Variants in BEAN1 observed in about 807,000 individuals in gnomAD.
The protein encoded by BEAN1 is brain expressed associated with NEDD4 1, also known as protein BEAN1.
In BEAN1, 17 loss-of-function variants were observed where a neutral mutation model predicts 17.7. The observed-to-expected ratio is 0.96, with a 90% CI of 0.66 to 1.44. The LOEUF is 1.44. Ranked by LOEUF, BEAN1 falls within the 40% of genes most tolerant of loss-of-function variation. BEAN1 has a pLI of 0.00. For synonymous variants in BEAN1, 142 were observed against 151.8 expected, an observed-to-expected ratio of 0.94 and a Z score of 0.47; for missense variants, 359 against 374.1, an observed-to-expected ratio of 0.96 and a Z score of 0.33.
chr16:66,467,149 T>C (rs575310086), intron 2 of BEAN1, among the ~76,000 whole-genome samples: 2 of 152,292 alleles, frequency 1.3e-5, no homozygotes, highest in African/African-American at 4.8e-5. Context: ...ATTTGTGCAA[T>C]AACATCAAGG....
At chr16:66,491,793 ACTG>A (rs970692309) in intron 4 of BEAN1, among the ~76,000 whole-genome samples, 11 of 152,160 alleles carry the variant, frequency 7.2e-5, no homozygotes, top group Admixed American at 5.9e-4. Flanking sequence ...ATCTAATGCC[ACTG>A]CTGATCGTGA....
chr16:66,494,740 C>A (rs1206628970), downstream of BEAN1, among the ~76,000 whole-genome samples: 1 of 152,342 alleles, frequency 6.6e-6, no homozygotes, highest in African/African-American at 2.4e-5. Flanking sequence ...AACTCTCATG[C>A]CTGCTCTCCA....
At chr16:66,479,290 G>A (rs1166560614) in intron 4 of BEAN1, among the ~76,000 whole-genome samples, 2 of 152,120 alleles carry the variant, frequency 1.3e-5, no homozygotes, top group African/African-American at 4.8e-5. Flanking sequence ...AGGTGGGGCT[G>A]CTTCTGATGG....
At chr16:66,489,633 C>T (rs1597058517) in intron 4 of BEAN1, among the ~76,000 whole-genome samples, 2 of 152,192 alleles carry the variant, frequency 1.3e-5, no homozygotes, top group South Asian at 2.1e-4. Context: ...TCTACCAAGA[C>T]AGTTGTGGAT....
downstream of BEAN1, chr16:66,485,168 A>G: frequency 2.2e-6 from 1 of 450,674 alleles, no homozygotes; most frequent in Non-Finnish European, 4.5e-6. Context: ...ACACTGGCCA[A>G]GCCCACATGC....
intron 3 of BEAN1, among the ~76,000 whole-genome samples, chr16:66,474,842 C>A (rs1015985186): frequency 6.6e-6 from 1 of 152,190 alleles, no homozygotes; most frequent in African/African-American, 2.4e-5. Flanking sequence ...GATCTGGTGG[C>A]TGACTCTGTC....
chr16:66,490,354 G>A (rs1266794489), intron 4 of BEAN1, among the ~76,000 whole-genome samples: 4 of 128,578 alleles, frequency 3.1e-5, no homozygotes, highest in Non-Finnish European at 5.1e-5. Flanking sequence ...CCAAGATCAC[G>A]TCACTGCACT....
intron 2 of BEAN1, among the ~76,000 whole-genome samples, chr16:66,460,731 A>G (rs1963051444): frequency 1.3e-5 from 2 of 152,236 alleles, no homozygotes; most frequent in Non-Finnish European, 1.5e-5. Context: ...TCCCTTCACA[A>G]GAGTTAAGAA....
rs370268732 is a variant in BEAN1, at chr16:66,473,003, CAG to C, written c.289+3146_289+3147del. Among the ~76,000 whole-genome samples the C allele has an allele frequency of 2.6e-4, 40 of 152,216 alleles. No individual in the cohort carries two copies. Among genetic ancestry groups the C allele is most frequent in the African/African-American group, 8.2e-4 (34 of 41,532 alleles). On this transcript the variant is annotated intron_variant, in intron 3 of 4. Coordinates refer to ENST00000536005, the MANE Select transcript of BEAN1 (RefSeq NM_001178020.3). This position sits in a 1 kb window ranked among gnomAD's most constrained non-coding sequence, Gnocchi z 4.5. ...CACTGCATGCCAGCCTGGGTGACAG[CAG>C]AGAGAGACCCTGTCTCTAAAAAAAT...
At position 66,427,764 on chromosome 16, in the gene BEAN1, C is replaced by T. The variant is rs1170158823; in HGVS notation, c.-83+333C>T. 6.6e-6 allele frequency: 1 copy of T among 152,168 alleles called. No homozygotes were observed. The highest frequency in any genetic ancestry group is 1.5e-5 in the Non-Finnish European group (1 of 68,048). 9.4% of individuals were successfully genotyped at this position (152,168 alleles called of 1,614,324 possible). A position where few individuals can be genotyped will look rare whatever the true frequency, so the allele number is the denominator to read the frequency against. ...ACTCGAGTCCCCGACGAGCATCAAC[C>T]GCATTTGGGGAACCCAAGACAGCCT... On this transcript the variant is annotated intron_variant, in intron 1 of 4. Coordinates refer to ENST00000536005, the MANE Select transcript of BEAN1 (RefSeq NM_001178020.3). This position sits in a 1 kb window ranked among gnomAD's most constrained non-coding sequence, Gnocchi z 4.7.
At chr16:66,494,698 T>G (rs1431870236), downstream of BEAN1, among the ~76,000 whole-genome samples, 1 of 152,240 alleles carries the variant, frequency 6.6e-6, no homozygotes, top group Non-Finnish European at 1.5e-5. Context: ...GCCTCCCTTT[T>G]CTTTCGGCTA....
In BEAN1 at chr16:66,477,644, A is replaced by C; in HGVS notation, c.374A>C (p.Asp125Ala). 2 of 1,551,080 alleles carry C rather than the reference A, an allele frequency of 1.3e-6. No individual in the cohort carries two copies. Among genetic ancestry groups the C allele is most frequent in the Non-Finnish European group, 1.7e-6 (2 of 1,146,752 alleles). ...TCAGAGGACTGGCCCCCACCCTTGG[A>C]CATCAGCTCTGACGGGGACGTGGAT... is the stretch of plus-strand genomic sequence containing the variant. ...SSSEDWPPPL[D>A]ISSDGDVDAT... Residue 125 changes from aspartate to alanine, a missense_variant, in exon 4 of 5, where the codon GAC becomes GCC. Coordinates refer to ENST00000536005, the MANE Select transcript of BEAN1 (RefSeq NM_001178020.3).
At chr16:66,441,540 A>G (rs1962256643) in intron 2 of BEAN1, among the ~76,000 whole-genome samples, 1 of 152,194 alleles carries the variant, frequency 6.6e-6, no homozygotes, top group Admixed American at 6.5e-5. Context: ...TTAGAGTAGG[A>G]GCCCCACCCT....
At chr16:66,479,503 G>A (rs1963903063) in intron 4 of BEAN1, among the ~76,000 whole-genome samples, 1 of 152,046 alleles carries the variant, frequency 6.6e-6, no homozygotes, top group Middle Eastern at 3.2e-3. Flanking sequence ...GGGTGGGGAA[G>A]GTGGGGGCAC....
At chr16:66,430,621 C>T (rs1961760492) in intron 1 of BEAN1, among the ~76,000 whole-genome samples, 2 of 152,142 alleles carry the variant, frequency 1.3e-5, no homozygotes, top group Admixed American at 6.5e-5. Flanking sequence ...TTTTAGACAC[C>T]TTCGTATTTT....
At chr16:66,487,906 G>A (rs1038670905) in intron 4 of BEAN1, among the ~76,000 whole-genome samples, 2 of 152,124 alleles carry the variant, frequency 1.3e-5, no homozygotes, top group African/African-American at 4.8e-5. Context: ...AGGTTCTCAC[G>A]AAATCAGTCA....
intron 2 of BEAN1, among the ~76,000 whole-genome samples, chr16:66,448,540 G>A (rs998265172): frequency 2.0e-5 from 3 of 152,176 alleles, no homozygotes; most frequent in African/African-American, 4.8e-5. Context: ...CAAAAAACAC[G>A]GCTGGGTGCG....
chr16:66,437,876 C>A, intron 2 of BEAN1, 175 bp downstream of exon 2: 1 of 804,586 alleles, frequency 1.2e-6, no homozygotes, highest in Non-Finnish European at 2.1e-6. Context: ...CTGACGTCTG[C>A]AAGATGCTCC....
chr16:66,447,287 C>A (rs980708218), intron 2 of BEAN1, among the ~76,000 whole-genome samples: 1 of 152,136 alleles, frequency 6.6e-6, no homozygotes, highest in Non-Finnish European at 1.5e-5. Context: ...TGGCCTCATG[C>A]AGTAACAACA....
Sources: gnomAD v4.1 joint callset for allele counts (sites outside exome capture counted in the v4.1 genomes callset) on GRCh38, gnomAD v4.1.1 for gene constraint, Gnocchi (gnomAD v3.1) non-coding constraint, MANE v1.5 for transcripts, NCBI Gene and HGNC (gene_info 2026-07-23, HGNC 2026-07-21) for gene names.